HADHB: variants seen among roughly 807,000 people sequenced by gnomAD.
HADHB encodes trifunctional enzyme subunit beta, mitochondrial.
Under a neutral mutation model 61.9 loss-of-function variants are expected in HADHB, and 50 were observed. That is an observed-to-expected ratio of 0.81 (90% CI 0.64 to 1.02). The LOEUF is 1.02. Among genes scored for constraint, HADHB ranks in the 50% least tolerant of loss-of-function variants. The pLI is 0.00. For missense variants in HADHB, 504 were observed against 586.5 expected, an observed-to-expected ratio of 0.86 and a Z score of 1.45; for synonymous variants, 191 against 201.6, an observed-to-expected ratio of 0.95 and a Z score of 0.45.
At chr2:26,250,807 C>T (rs1671369127) in intron 1 of HADHB, among the ~76,000 whole-genome samples, 2 of 151,506 alleles carry the variant, frequency 1.3e-5, no homozygotes, top group Non-Finnish European at 2.9e-5. Context: ...GGCAACAGAG[C>T]GAGACCCTGT....
chr2:26,278,310 A>G (rs780385942), intron 7 of HADHB, among the ~76,000 whole-genome samples: 16 of 152,270 alleles, frequency 1.1e-4, no homozygotes, highest in Non-Finnish European at 2.2e-4. Context: ...TAAAGCTGGG[A>G]GCATATAAAT....
chr2:26,260,992 G>C (rs1393002525), intron 3 of HADHB: 1 of 1,512,146 alleles, frequency 6.6e-7, no homozygotes, highest in Non-Finnish European at 8.9e-7. Context: ...GAGAGAATCT[G>C]ACCAACACAG....
intron 1 of HADHB, among the ~76,000 whole-genome samples, chr2:26,253,823 A>G (rs1246761688): frequency 4.6e-5 from 7 of 151,618 alleles, no homozygotes; most frequent in African/African-American, 1.7e-4. Context: ...ACTGTACTCC[A>G]GCCTGGGCAA....
intron 1 of HADHB, among the ~76,000 whole-genome samples, chr2:26,253,857 A>AAAAAAAAAAAATAAAT (rs1553318178): frequency 8.0e-6 from 1 of 125,582 alleles, no homozygotes; most frequent in Non-Finnish European, 1.7e-5. Context: ...CCATCTCAAA[A>AAAAAAAAAAAATAAAT]AAATAAATAA....
intron 12 of HADHB, among the ~76,000 whole-genome samples, chr2:26,283,352 A>T (rs1409146050): frequency 6.6e-6 from 1 of 152,032 alleles, no homozygotes; most frequent in Admixed American, 6.6e-5. Flanking sequence ...GTGAAGCCCT[A>T]TCTCTACTAA....
chr2:26,253,013 A>C (rs1430659616), intron 1 of HADHB, among the ~76,000 whole-genome samples: 2 of 152,224 alleles, frequency 1.3e-5, no homozygotes, highest in African/African-American at 2.4e-5. Flanking sequence ...AGAGACAATT[A>C]TATCTGTGGT....
At chr2:26,280,485 G>A (rs1672740646) in intron 10 of HADHB, among the ~76,000 whole-genome samples, 2 of 152,328 alleles carry the variant, frequency 1.3e-5, no homozygotes, top group African/African-American at 4.8e-5. Context: ...CAGTCAGAGA[G>A]TCTTCTTGGA....
At chr2:26,275,429 C>T (rs577413627) in intron 6 of HADHB, among the ~76,000 whole-genome samples, 26 of 152,306 alleles carry the variant, frequency 1.7e-4, no homozygotes, top group African/African-American at 6.3e-4. Context: ...GCCCTGAGAG[C>T]TATTCAAATT....
intron 3 of HADHB, among the ~76,000 whole-genome samples, chr2:26,259,539 A>G (rs927182129): frequency 3.9e-5 from 6 of 152,198 alleles, no homozygotes; most frequent in Non-Finnish European, 8.8e-5. Flanking sequence ...TCAGGGTTAT[A>G]GAACAGCTGC....
In HADHB at chr2:26,260,832, C is replaced by T. The variant is rs560063180; in HGVS notation, c.110-2548C>T. The T allele has an allele frequency of 4.8e-5, 29 of 598,260 alleles. No homozygotes were observed. In the South Asian group the frequency reaches 5.4e-4, roughly 11 times the overall value. The allele number at this position is 598,260 out of a possible 1,614,324, so 37.1% of individuals were successfully genotyped here. ...CCTTTCCTGGTCTTTCTGCTTCTAT[C>T]ATTCTTCATTCTGGCTGGCTTATTT... is the stretch of plus-strand genomic sequence containing the variant. On this transcript the variant is annotated intron_variant, in intron 3 of 15. Transcript: ENST00000317799.
rs188560702 is a variant in HADHB at position 26,255,721 on chromosome 2, A to G, written c.109+1247A>G. 4.6e-3 allele frequency among the ~76,000 whole-genome samples: 699 copies of G among 152,278 alleles called. 3 individuals are homozygous for G. Among genetic ancestry groups the G allele is most frequent in the African/African-American group, 0.016 (680 of 41,560 alleles). ...TGAGATATCTCAAAGCACTTTAAAA[A>G]CTATAAATTCACTGTAAGTGCAAGA... is the stretch of plus-strand genomic sequence containing the variant. On this transcript the variant is annotated intron_variant, in intron 3 of 15. Transcript: ENST00000317799.
intron 15 of HADHB, among the ~76,000 whole-genome samples, chr2:26,287,849 C>T (rs1372585007): frequency 6.6e-6 from 1 of 152,180 alleles, no homozygotes; most frequent in Non-Finnish European, 1.5e-5. Flanking sequence ...GCAGTAGCAA[C>T]AAGCTCCTCC....
At chr2:26,255,494 G>A (rs1455763920) in intron 3 of HADHB, among the ~76,000 whole-genome samples, 8 of 143,560 alleles carry the variant, frequency 5.6e-5, no homozygotes, top group East Asian at 7.1e-4. Flanking sequence ...GCGAGACTCC[G>A]GCTCAAAAAA....
At chr2:26,272,639 G>C (rs1006726712) in intron 5 of HADHB, among the ~76,000 whole-genome samples, 1 of 150,866 alleles carries the variant, frequency 6.6e-6, no homozygotes, top group Non-Finnish European at 1.5e-5. Context: ...TTAAACCACT[G>C]TGCCCGGCTG....
intron 3 of HADHB, chr2:26,260,925 A>C (rs1285969582): frequency 2.4e-6 from 2 of 823,726 alleles, no homozygotes; most frequent in Non-Finnish European, 4.0e-6. Context: ...GTTCTTCCTC[A>C]TGGCATCTTT....
At chr2:26,272,508 G>C (rs1672385976) in intron 5 of HADHB, among the ~76,000 whole-genome samples, 1 of 151,810 alleles carries the variant, frequency 6.6e-6, no homozygotes, top group South Asian at 2.1e-4. Context: ...ACCAGTCTTG[G>C]CTAATTTTTT....
chr2:26,245,959 C>T (rs1192417261), intron 1 of HADHB, among the ~76,000 whole-genome samples: 2 of 152,170 alleles, frequency 1.3e-5, no homozygotes, highest in Admixed American at 1.3e-4. Flanking sequence ...AGACTGACAG[C>T]TCTGCAGGAC....
chr2:26,262,240 T>C (rs1383593715), intron 3 of HADHB, among the ~76,000 whole-genome samples: 1 of 152,184 alleles, frequency 6.6e-6, no homozygotes, highest in Non-Finnish European at 1.5e-5. Flanking sequence ...TTTTCTATCT[T>C]TGATAAGGAA....
chr2:26,279,372 CA>C, intron 9 of HADHB, 57 bp downstream of exon 9: 1 of 1,188,652 alleles, frequency 8.4e-7, no homozygotes, highest in Non-Finnish European at 1.3e-6. Context: ...TCCTAAAACT[CA>C]AAAACATCCC....
Sources: allele counts gnomAD v4.1 joint callset (sites outside exome capture counted in the v4.1 genomes callset), GRCh38; gene constraint gnomAD v4.1.1; transcripts MANE v1.5; gene names NCBI Gene and HGNC (gene_info 2026-07-23, HGNC 2026-07-21).